Variants in PTPRM observed in about 807,000 individuals in gnomAD.
PTPRM encodes the protein protein tyrosine phosphatase receptor type M.
PTPRM carries 47 observed loss-of-function variants against 186.7 expected under a neutral mutation model. That is an observed-to-expected ratio of 0.25 (90% CI 0.20 to 0.32). PTPRM has a LOEUF of 0.32. Among genes scored for constraint, PTPRM ranks in the 10% least tolerant of loss-of-function variants. PTPRM has a pLI of 1.00. For synonymous variants in PTPRM, 668 were observed against 674.9 expected, an observed-to-expected ratio of 0.99 and a Z score of 0.16; for missense variants, 1,494 against 1,865.0, an observed-to-expected ratio of 0.80 and a Z score of 3.66.
chr18:8,023,501 A>G (rs1600121764), intron 7 of PTPRM, among the ~76,000 whole-genome samples: 1 of 152,314 alleles, frequency 6.6e-6, no homozygotes, highest in Non-Finnish European at 1.5e-5. Flanking sequence ...GTAAGTTTGC[A>G]TTCATAACTT....
intron 7 of PTPRM, among the ~76,000 whole-genome samples, 154 bp from the exon 8 acceptor site, chr18:8,069,532 C>A (rs2089326260): frequency 6.6e-6 from 1 of 152,218 alleles, no homozygotes; most frequent in Non-Finnish European, 1.5e-5. Context: ...TTCTGGGTAG[C>A]CAAATGCCTA....
intron 2 of PTPRM, among the ~76,000 whole-genome samples, chr18:7,873,533 G>A (rs1482369294): frequency 6.6e-6 from 1 of 152,178 alleles, no homozygotes; most frequent in Non-Finnish European, 1.5e-5. Flanking sequence ...AAAGTGCTTA[G>A]CAGAGTGGCT....
chr18:8,293,773 T>C (rs1265343961), intron 19 of PTPRM, among the ~76,000 whole-genome samples: 2 of 152,328 alleles, frequency 1.3e-5, no homozygotes, highest in East Asian at 3.9e-4. Context: ...GAATAGAAGC[T>C]ACATGTTTGA....
intron 7 of PTPRM, among the ~76,000 whole-genome samples, chr18:8,048,576 A>AG (rs1322060647): frequency 6.6e-6 from 1 of 151,048 alleles, no homozygotes; most frequent in East Asian, 1.9e-4. Context: ...AAATTGAGGA[A>AG]GTCTTTTTTA....
chr18:7,576,989 T>G (rs2036704505), intron 1 of PTPRM, among the ~76,000 whole-genome samples: 1 of 152,214 alleles, frequency 6.6e-6, no homozygotes, highest in Non-Finnish European at 1.5e-5. Flanking sequence ...CATGTAGTAG[T>G]CACTCAATAA....
intron 7 of PTPRM, among the ~76,000 whole-genome samples, chr18:7,955,999 A>G (rs138523130): frequency 6.6e-6 from 1 of 152,334 alleles, no homozygotes; most frequent in Non-Finnish European, 1.5e-5. Context: ...CCGCAACTTA[A>G]GTAAAAGTAG....
intron 24 of PTPRM, among the ~76,000 whole-genome samples, chr18:8,373,564 C>A (rs940155417): frequency 6.6e-6 from 1 of 152,194 alleles, no homozygotes; most frequent in Non-Finnish European, 1.5e-5. Context: ...TGAATTCTCG[C>A]TACCCAGGAG....
chr18:8,314,600 C>T (rs1419204957), intron 20 of PTPRM, among the ~76,000 whole-genome samples, 181 bp from the exon 21 acceptor site: 1 of 152,196 alleles, frequency 6.6e-6, no homozygotes, highest in Non-Finnish European at 1.5e-5. Flanking sequence ...TTAAAAATTA[C>T]AAATCCTTCC....
chr18:8,019,473 C>T (rs1268493933), intron 7 of PTPRM, among the ~76,000 whole-genome samples: 1 of 152,058 alleles, frequency 6.6e-6, no homozygotes, highest in African/African-American at 2.4e-5. Context: ...GGTCATATTT[C>T]TGATTTGGTC....
At position 7,765,201 on chromosome 18, in the gene PTPRM, A is replaced by C. The variant is rs543284751; in HGVS notation, c.74-8948A>C. ...AAAAATTAGGAATCCATAGATTGAT[A>C]TGAAATGAAGATGGGGTAACTGTAA... On this transcript the variant is annotated intron_variant, in intron 1 of 32. Transcript: ENST00000580170. Among the ~76,000 whole-genome samples, 6 of 152,290 alleles carry C rather than the reference A, an allele frequency of 3.9e-5. 1 individual carries two copies. In the South Asian group the frequency reaches 1.2e-3, roughly 32 times the overall value.
At chr18:7,984,602 T>TATATATACACACACAC (rs1214502563) in intron 7 of PTPRM, among the ~76,000 whole-genome samples, 6 of 87,172 alleles carry the variant, frequency 6.9e-5, no homozygotes, top group African/African-American at 2.9e-4. Context: ...TATATATATA[T>TATATATACACACACAC]ACACACACAC....
At chr18:8,268,514 G>A (rs547973386) in intron 19 of PTPRM, among the ~76,000 whole-genome samples, 12 of 152,040 alleles carry the variant, frequency 7.9e-5, no homozygotes, top group Non-Finnish European at 1.8e-4. Context: ...GAAGAATTAA[G>A]GCTAGTATTT....
chr18:7,581,629 A>G (rs1483322985), intron 1 of PTPRM, among the ~76,000 whole-genome samples: 1 of 149,262 alleles, frequency 6.7e-6, no homozygotes, highest in African/African-American at 2.5e-5. Flanking sequence ...CTCCAAATGT[A>G]CCTTTTGTGT....
intron 14 of PTPRM, among the ~76,000 whole-genome samples, chr18:8,222,849 G>A (rs2094169446): frequency 6.6e-6 from 1 of 152,164 alleles, no homozygotes; most frequent in South Asian, 2.1e-4. Context: ...CAGCTGATCA[G>A]AAGGCTGAGA....
intron 2 of PTPRM, among the ~76,000 whole-genome samples, chr18:7,777,542 T>G (rs547993616): frequency 6.6e-6 from 1 of 152,348 alleles, no homozygotes; most frequent in South Asian, 2.1e-4. Flanking sequence ...GGAAAAATGT[T>G]GCTGATGCCC....
chr18:8,112,269 T>G (rs1332034630), intron 11 of PTPRM, among the ~76,000 whole-genome samples: 1 of 152,208 alleles, frequency 6.6e-6, no homozygotes, highest in Non-Finnish European at 1.5e-5. Flanking sequence ...CAGCACACAT[T>G]TTGTTTCTGT....
intron 2 of PTPRM, among the ~76,000 whole-genome samples, chr18:7,811,288 A>G (rs1170866669): frequency 6.6e-6 from 1 of 152,146 alleles, no homozygotes; most frequent in African/African-American, 2.4e-5. Flanking sequence ...TAGCAGGAGC[A>G]TTTTGCCCTG....
intron 31 of PTPRM, among the ~76,000 whole-genome samples, chr18:8,393,076 C>T (rs148262526): frequency 7.3e-4 from 111 of 152,242 alleles, no homozygotes; most frequent in African/African-American, 2.5e-3. Context: ...AAAATATTTG[C>T]GTAGTCCCAA....
chr18:8,385,103 A>G (rs895019056), intron 30 of PTPRM, among the ~76,000 whole-genome samples: 2 of 152,164 alleles, frequency 1.3e-5, no homozygotes, highest in Non-Finnish European at 2.9e-5. Context: ...CTGACTTAAC[A>G]GGATTCTGGC....
Sources: gnomAD v4.1 joint callset for allele counts (sites outside exome capture counted in the v4.1 genomes callset) on GRCh38, gnomAD v4.1.1 for gene constraint, MANE v1.5 for transcripts, NCBI Gene and HGNC (gene_info 2026-07-23, HGNC 2026-07-21) for gene names.